The following LRP1B variants were observed in gnomAD, a reference collection of about 807,000 sequenced individuals.
LRP1B encodes LDL receptor related protein 1B, also known as low-density lipoprotein receptor-related protein 1B.
A neutral mutation model predicts 556.6 loss-of-function variants in LRP1B; 217 were observed. That is an observed-to-expected ratio of 0.39 (90% CI 0.35 to 0.44). LRP1B has a LOEUF of 0.44. Ranked by LOEUF, LRP1B falls within the 20% of genes least tolerant of loss-of-function variation. The pLI, the probability that LRP1B is intolerant of heterozygous loss-of-function variation, is 1.00. For synonymous variants in LRP1B, 2,047 were observed against 1,865.8 expected, an observed-to-expected ratio of 1.10 and a Z score of -2.50; for missense variants, 5,053 against 5,620.8, an observed-to-expected ratio of 0.90 and a Z score of 3.23.
chr2:141,382,066 G>A (rs1272859932), intron 3 of LRP1B, among the ~76,000 whole-genome samples: 1 of 152,064 alleles, frequency 6.6e-6, no homozygotes, highest in African/African-American at 2.4e-5. Context: ...TGAAAGGCTT[G>A]GCTACCACCT....
chr2:141,370,913 A>G (rs1264531764), intron 3 of LRP1B, among the ~76,000 whole-genome samples: 1 of 152,108 alleles, frequency 6.6e-6, no homozygotes, highest in Non-Finnish European at 1.5e-5. Flanking sequence ...TCCTTTCCTC[A>G]GTATATAGTA....
At chr2:140,294,783 G>A (rs930225197) in intron 84 of LRP1B, among the ~76,000 whole-genome samples, 5 of 152,200 alleles carry the variant, frequency 3.3e-5, no homozygotes, top group African/African-American at 1.2e-4. Context: ...TTAGTGGGTG[G>A]AAGTTGTGTT....
intron 43 of LRP1B, among the ~76,000 whole-genome samples, chr2:140,574,845 A>G (rs1681458347): frequency 6.6e-6 from 1 of 152,190 alleles, no homozygotes; most frequent in Non-Finnish European, 1.5e-5. Flanking sequence ...AAAGTAATTA[A>G]CCAATATTTC....
chr2:141,487,243 TC>T (rs570347686), intron 2 of LRP1B, among the ~76,000 whole-genome samples: 171 of 152,268 alleles, frequency 1.1e-3, no homozygotes, highest in African/African-American at 3.9e-3. Context: ...GATTATTATT[TC>T]TAAGTATTTT....
chr2:140,611,002 AG>A (rs1339041042), intron 41 of LRP1B, among the ~76,000 whole-genome samples: 1 of 152,220 alleles, frequency 6.6e-6, no homozygotes, highest in East Asian at 1.9e-4. Context: ...GCACAAAATA[AG>A]GGTTCAATAT....
Position 141,515,065 on chromosome 2 carries a change from G to A in LRP1B, c.206-34532C>T, listed in dbSNP as rs929405058. The stretch of plus-strand genomic sequence containing the variant: ...CGCCTGTAATCCCAGCACTTTGGGA[G>A]GCTGACGCAGGCAGATCACCTGAGG... On this transcript the variant is annotated intron_variant, in intron 2 of 90. Coordinates refer to ENST00000389484, the MANE Select transcript of LRP1B (RefSeq NM_018557.3). Among the ~76,000 whole-genome samples, 3 of 152,158 alleles carry A rather than the reference G, an allele frequency of 2.0e-5. No individual in the cohort carries two copies. In the East Asian group the frequency reaches 5.8e-4, roughly 29 times the overall value.
chr2:140,605,588 TTTTA>T (rs1224407830), intron 41 of LRP1B, among the ~76,000 whole-genome samples: 3 of 152,038 alleles, frequency 2.0e-5, no homozygotes, highest in East Asian at 1.9e-4. Context: ...TTGCTTCTCT[TTTTA>T]TTTCTCTTTC....
chr2:142,051,461 GTGTTTTTT>G lies in LRP1B; in HGVS notation c.82+79179_82+79186del, dbSNP rs201684199. 1.2e-3 allele frequency among the ~76,000 whole-genome samples: 124 copies of G among 102,962 alleles called. No individual in the cohort carries two copies. In the Middle Eastern group the frequency reaches 0.013, roughly 11 times the overall value. 67.5% of individuals were successfully genotyped at this position (102,962 alleles called of 152,430 possible). ...AACTAATAGGGGCATAATTAAAGGT[GTGTTTTTT>G]TGTTTTTTTGTTTTTTTTTTGTTTT... is the stretch of plus-strand genomic sequence containing the variant. On this transcript the variant is annotated intron_variant, in intron 1 of 90. Coordinates refer to ENST00000389484, the MANE Select transcript of LRP1B (RefSeq NM_018557.3).
At chr2:141,746,227 G>A (rs563023483) in intron 2 of LRP1B, among the ~76,000 whole-genome samples, 11 of 152,256 alleles carry the variant, frequency 7.2e-5, no homozygotes, top group African/African-American at 2.6e-4. Flanking sequence ...TCTAGGGGTT[G>A]TAGTCTTTAT....
chr2:141,951,220 A>G (rs1389548323), intron 1 of LRP1B, among the ~76,000 whole-genome samples: 1 of 152,040 alleles, frequency 6.6e-6, no homozygotes, highest in Non-Finnish European at 1.5e-5. Flanking sequence ...TTTTGGGGGT[A>G]CATATGATTT....
intron 3 of LRP1B, among the ~76,000 whole-genome samples, chr2:141,291,041 A>C (rs575793424): frequency 7.9e-5 from 12 of 151,762 alleles, no homozygotes; most frequent in East Asian, 7.7e-4. Context: ...AAGGTAAAAA[A>C]AATTTCTTCA....
chr2:141,352,824 A>G (rs1327674907), intron 3 of LRP1B, among the ~76,000 whole-genome samples: 3 of 151,966 alleles, frequency 2.0e-5, no homozygotes, highest in Non-Finnish European at 4.4e-5. Flanking sequence ...TGGTTTCCCA[A>G]TAACCACAAT....
chr2:141,760,553 A>G (rs1694505847), intron 2 of LRP1B, among the ~76,000 whole-genome samples: 1 of 152,236 alleles, frequency 6.6e-6, no homozygotes, highest in African/African-American at 2.4e-5. Context: ...GAGACAGCAT[A>G]TATTTAGTGC....
At chr2:141,167,643 T>TAC (rs767469835) in intron 7 of LRP1B, among the ~76,000 whole-genome samples, 5 of 151,928 alleles carry the variant, frequency 3.3e-5, no homozygotes, top group Non-Finnish European at 7.4e-5. Flanking sequence ...TTATAATATA[T>TAC]ACAATATAAT....
intron 2 of LRP1B, among the ~76,000 whole-genome samples, chr2:141,606,779 C>T (rs551280592): frequency 6.6e-6 from 1 of 152,296 alleles, no homozygotes; most frequent in South Asian, 2.1e-4. Flanking sequence ...GACTTCTAGC[C>T]TCCAGAACTG....
At chr2:140,370,443 A>T (rs1682944776) in intron 71 of LRP1B, among the ~76,000 whole-genome samples, 1 of 151,892 alleles carries the variant, frequency 6.6e-6, no homozygotes, top group African/African-American at 2.4e-5. Flanking sequence ...CCTATACTTG[A>T]CCCGGCATCT....
rs200950406 is a variant in LRP1B at position 141,697,430 on chromosome 2, A to C, written c.205+112849T>G. On this transcript the variant is annotated intron_variant, in intron 2 of 90. Transcript: ENST00000389484. ...TCCTTGTTAATGTCCTGAAAGAGGCAGTAAATATGACATTTGTTACTTTCA... is the reference window on the plus strand; with the variant it reads ...TCCTTGTTAATGTCCTGAAAGAGGCCGTAAATATGACATTTGTTACTTTCA... 2.0e-5 allele frequency among the ~76,000 whole-genome samples: 3 copies of C among 152,140 alleles called. No individual in the cohort carries two copies. The East Asian group carries it at 5.8e-4, about 30-fold the overall frequency.
intron 3 of LRP1B, among the ~76,000 whole-genome samples, chr2:141,465,952 G>A (rs62168041): frequency 0.058 from 8,777 of 151,650 alleles, 308 homozygotes; most frequent in Non-Finnish European, 0.067. Flanking sequence ...GCAATGGCAC[G>A]ATCTTGGCTC....
intron 2 of LRP1B, among the ~76,000 whole-genome samples, chr2:141,594,921 T>C (rs1687466146): frequency 6.6e-6 from 1 of 152,102 alleles, no homozygotes; most frequent in Non-Finnish European, 1.5e-5. Flanking sequence ...TTTCCTAAAT[T>C]ATAGAAGTTT....
Sources: gnomAD v4.1 joint callset for allele counts (sites outside exome capture counted in the v4.1 genomes callset) on GRCh38, gnomAD v4.1.1 for gene constraint, MANE v1.5 for transcripts, NCBI Gene and HGNC (gene_info 2026-07-23, HGNC 2026-07-21) for gene names.